EME2: variants seen among roughly 807,000 people sequenced by gnomAD.
EME2 encodes the protein structure-specific endonuclease subunit EME2.
EME2 carries 58 observed loss-of-function variants against 41.9 expected under a neutral mutation model. The observed-to-expected ratio is 1.38, with a 90% CI of 1.12 to 1.72. The LOEUF (loss-of-function observed/expected upper bound fraction) is 1.72. Ranked by LOEUF, EME2 falls within the 40% of genes most tolerant of loss-of-function variation. EME2 has a pLI of 0.00. For missense variants in EME2, 695 were observed against 541.9 expected, an observed-to-expected ratio of 1.28 and a Z score of -2.81; for synonymous variants, 334 against 239.3, an observed-to-expected ratio of 1.40 and a Z score of -3.65.
chr16:1,776,544 G>C lies in EME2; in HGVS notation c.*306G>C, dbSNP rs1249021259. The C allele has an allele frequency of 5.2e-6, 2 of 383,456 alleles. No individual in the cohort carries two copies. The highest frequency in any genetic ancestry group is 4.2e-5 in the African/African-American group (2 of 47,948). The allele number at this position is 383,456 out of a possible 1,614,324, so 23.8% of individuals were successfully genotyped here. A position where few individuals can be genotyped will look rare whatever the true frequency, so the allele number is the denominator to read the frequency against. Reference sequence around the variant, plus strand: ...ACACACACACACTCGGCAGGGACCAGAAGGCAGCTCCAGGGCCCCACTGCC... The same window carrying C: ...ACACACACACACTCGGCAGGGACCACAAGGCAGCTCCAGGGCCCCACTGCC... On this transcript the variant is annotated 3_prime_UTR_variant, in exon 8 of 8. Coordinates refer to ENST00000568449, the MANE Select transcript of EME2 (RefSeq NM_001257370.2).
rs1412085015 is a variant in EME2, at chr16:1,779,043, G to C, written c.*2805G>C. ...TCAGGGCAGTCCCCACCACACTGTG[G>C]CCCAACGACCTTCCTGTTACCTGAG... On this transcript the variant is annotated 3_prime_UTR_variant, in exon 8 of 8. Coordinates refer to ENST00000568449, the MANE Select transcript of EME2 (RefSeq NM_001257370.2). 1 of 165,908 alleles carries C rather than the reference G, an allele frequency of 6.0e-6. No individual in the cohort carries two copies. Among genetic ancestry groups the C allele is most frequent in the Non-Finnish European group, 1.3e-5 (1 of 77,526 alleles). The allele number at this position is 165,908 out of a possible 1,614,324, so 10.3% of individuals were successfully genotyped here.
chr16:1,775,498 G>A (rs1389349030), intron 5 of EME2, 71 bp from the exon 6 acceptor site: 4 of 1,596,374 alleles, frequency 2.5e-6, no homozygotes, highest in Admixed American at 1.7e-5. Flanking sequence ...GTGGTACATG[G>A]GGCAGCTATC....
At position 1,778,022 on chromosome 16, in the gene EME2, C is replaced by T. The variant is rs747257526; in HGVS notation, c.*1784C>T. 6.2e-7 allele frequency: 1 copy of T among 1,613,252 alleles called. No homozygotes were observed. The highest frequency in any genetic ancestry group is 1.7e-5 in the Admixed American group (1 of 60,018). On this transcript the variant is annotated 3_prime_UTR_variant, in exon 8 of 8. Coordinates refer to ENST00000568449, the MANE Select transcript of EME2 (RefSeq NM_001257370.2). ...ACGTGTGGCGGTATTTGTCCAGGTC[C>T]ACATCCGACGTCCCGATGCCCACCA... is the stretch of plus-strand genomic sequence containing the variant.
chr16:1,777,652 T>C lies in EME2; in HGVS notation c.*1414T>C, dbSNP rs551148394. ...GGCCTCAGGCTTCTGGGAGGAACCC[T>C]TTCAGAAAACCTCAGTGTCCCCTGG... On this transcript the variant is annotated 3_prime_UTR_variant, in exon 8 of 8. Transcript: ENST00000568449. 2 of 1,555,356 alleles carry C rather than the reference T, an allele frequency of 1.3e-6. No individual in the cohort carries two copies. Among genetic ancestry groups the C allele is most frequent in the East Asian group, 4.5e-5 (2 of 44,286 alleles).
chr16:1,777,684 G>GCGGGGTGGCTGCCTCCCT lies in EME2; in HGVS notation c.*1454_*1471dup. On this transcript the variant is annotated 3_prime_UTR_variant, in exon 8 of 8. Transcript: ENST00000568449. The stretch of plus-strand genomic sequence containing the variant: ...AAACCTCAGTGTCCCCTGGGCTGGG[G>GCGGGGTGGCTGCCTCCCT]CGGGGTGGCTGCCTCCCTCGGGGTG... 6.3e-7 allele frequency: 1 copy of GCGGGGTGGCTGCCTCCCT among 1,595,496 alleles called. No individual in the cohort carries two copies. Among genetic ancestry groups the GCGGGGTGGCTGCCTCCCT allele is most frequent in the Non-Finnish European group, 8.5e-7 (1 of 1,170,070 alleles).
In EME2 at chr16:1,776,297, C is replaced by T. The variant is rs919699363; in HGVS notation, c.*59C>T. On this transcript the variant is annotated 3_prime_UTR_variant, in exon 8 of 8. Coordinates refer to ENST00000568449, the MANE Select transcript of EME2 (RefSeq NM_001257370.2). ...TTGGGGACAGACCAGACACCCTGGGCGGTGGGGGAGGACCCCCAGCCACAT... is the reference window on the plus strand; with the variant it reads ...TTGGGGACAGACCAGACACCCTGGGTGGTGGGGGAGGACCCCCAGCCACAT... 219 of 1,547,952 alleles carry T rather than the reference C, an allele frequency of 1.4e-4. No homozygotes were observed. Among genetic ancestry groups the T allele is most frequent in the Non-Finnish European group, 1.8e-4 (202 of 1,137,018 alleles).
intron 3 of EME2, among the ~76,000 whole-genome samples, 188 bp downstream of exon 3, chr16:1,774,540 G>A (rs1048850577): frequency 1.7e-4 from 26 of 152,258 alleles, no homozygotes; most frequent in African/African-American, 6.3e-4. Context: ...CTGGGCACCT[G>A]CGGAGGCTAC....
chr16:1,781,311 C>G lies in EME2; in HGVS notation c.*5073C>G. The G allele has an allele frequency of 1.2e-6, 2 of 1,612,794 alleles. No homozygotes were observed. On this transcript the variant is annotated 3_prime_UTR_variant, in exon 8 of 8. Transcript: ENST00000568449. ...ATGTCTGCCTGCCTGCCTAGGGCAT[C>G]TCCACACCTTAGGCCAGCCACGTCC... is the stretch of plus-strand genomic sequence containing the variant.
At chr16:1,773,499 C>T in intron 1 of EME2, 25 bp downstream of exon 1, 2 of 1,576,094 alleles carry the variant, frequency 1.3e-6, no homozygotes, top group Admixed American at 1.8e-5. Flanking sequence ...ACGGGCGATA[C>T]TCGGGGTAGG....
chr16:1,775,734 T>G (rs1261048388), intron 6 of EME2, 50 bp downstream of exon 6: 3 of 1,612,382 alleles, frequency 1.9e-6, no homozygotes, highest in Non-Finnish European at 8.5e-7. Flanking sequence ...AAGGTAGTGG[T>G]GCCTCCCCGG....
Position 1,781,396 on chromosome 16 carries a change from C to G in EME2, c.*5158C>G. 1 of 1,612,916 alleles carries G rather than the reference C, an allele frequency of 6.2e-7. No homozygotes were observed. Among genetic ancestry groups the G allele is most frequent in the East Asian group, 2.2e-5 (1 of 44,890 alleles). ...TCGTAGCCCCAGTTAGTGGAGCCTG[C>G]TAGAGCCACGGCCCGGGCATCTGCG... On this transcript the variant is annotated 3_prime_UTR_variant, in exon 8 of 8. Coordinates refer to ENST00000568449, the MANE Select transcript of EME2 (RefSeq NM_001257370.2).
chr16:1,777,349 G>T lies in EME2; in HGVS notation c.*1111G>T. Reference sequence around the variant, plus strand: ...ACAGGTACTGGAGGGAAGTGGCGCTGGCACAGGAGCGGGTGACCTTCATGC... The same window carrying T: ...ACAGGTACTGGAGGGAAGTGGCGCTTGCACAGGAGCGGGTGACCTTCATGC... On this transcript the variant is annotated 3_prime_UTR_variant, in exon 8 of 8. Coordinates refer to ENST00000568449, the MANE Select transcript of EME2 (RefSeq NM_001257370.2). The T allele has an allele frequency of 6.2e-7, 1 of 1,607,466 alleles. No homozygotes were observed.
chr16:1,774,415 G>T, intron 3 of EME2, 63 bp downstream of exon 3: 4 of 1,361,768 alleles, frequency 2.9e-6, no homozygotes, highest in East Asian at 2.3e-5. Flanking sequence ...GCCGGGAGGC[G>T]CCTGCTCCGC....
intron 1 of EME2, 41 bp from the exon 2 acceptor site, chr16:1,773,663 GT>G (rs951872776): frequency 6.5e-7 from 1 of 1,546,846 alleles, no homozygotes; most frequent in African/African-American, 1.4e-5. Flanking sequence ...GCTCGCGAGG[GT>G]GGAAGGAAGC....
rs763246685 is a variant in EME2 at position 1,776,206 on chromosome 16, A to G, written c.1108A>G (p.Asn370Asp). 3 of 1,612,454 alleles carry G rather than the reference A, an allele frequency of 1.9e-6. No homozygotes were observed. Among genetic ancestry groups the G allele is most frequent in the Non-Finnish European group, 2.5e-6 (3 of 1,179,948 alleles). The change falls in exon 8 of 8, where the codon AAC becomes GAC. Residue 370 changes from asparagine (N) to aspartate (D), a missense_variant. Transcript: ENST00000568449. ...RRICLFLTTA[N>D]PDLLLDLGS ...CATCTGCCTCTTCCTGACCACAGCC[A>G]ACCCTGATCTCCTGCTGGACCTGGG...
In EME2 at chr16:1,776,113, G is replaced by A; in HGVS notation, c.1015G>A (p.Ala339Thr). Residue 339 changes from alanine to threonine, a missense_variant, in exon 8 of 8, where the codon GCC (alanine) becomes ACC (threonine). Coordinates refer to ENST00000568449, the MANE Select transcript of EME2 (RefSeq NM_001257370.2). ...GGAGCGGGAGCGCATGGGCCTCCTG[G>A]CCGACCTTCCTGTGCCGCCCAGTGA... ...STERERMGLL[A>T]DLPVPPSEGG... is the part of the protein sequence containing the mutation. 6.2e-7 allele frequency: 1 copy of A among 1,611,636 alleles called. No homozygotes were observed. Among genetic ancestry groups the A allele is most frequent in the Non-Finnish European group, 8.5e-7 (1 of 1,179,742 alleles).
In EME2 at chr16:1,773,861, C is replaced by G. The variant is rs1204991793; in HGVS notation, c.384+20C>G. 21 of 1,524,248 alleles carry G rather than the reference C, an allele frequency of 1.4e-5. No individual in the cohort carries two copies. Among genetic ancestry groups the G allele is most frequent in the Non-Finnish European group, 1.8e-5 (20 of 1,141,412 alleles). The allele number at this position is 1,524,248 out of a possible 1,614,324, so 94.4% of individuals were successfully genotyped here. A position where few individuals can be genotyped will look rare whatever the true frequency, so the allele number is the denominator to read the frequency against. ...CGCAGCGTGAGTGGTCGCGGGTTCCCGAGGGCCAGCCGCGAGTTGGCTGTT... is the reference window on the plus strand; with the variant it reads ...CGCAGCGTGAGTGGTCGCGGGTTCCGGAGGGCCAGCCGCGAGTTGGCTGTT... On this transcript the variant is annotated intron_variant, in intron 2 of 7. Transcript: ENST00000568449.
chr16:1,779,377 C>T lies in EME2; in HGVS notation c.*3139C>T. 1 of 152,684 alleles carries T rather than the reference C, an allele frequency of 6.5e-6. No individual in the cohort carries two copies. The highest frequency in any genetic ancestry group is 6.5e-5 in the Admixed American group (1 of 15,292). The allele number at this position is 152,684 out of a possible 1,614,324, so 9.5% of individuals were successfully genotyped here. A position where few individuals can be genotyped will look rare whatever the true frequency, so the allele number is the denominator to read the frequency against. On this transcript the variant is annotated 3_prime_UTR_variant, in exon 8 of 8. Transcript: ENST00000568449. Reference sequence around the variant, plus strand: ...GAGAGTGCTAAGTGGTGGCGGGGGGCCTGTGGCAGAGGCCTTGTGACAGTG... The same window carrying T: ...GAGAGTGCTAAGTGGTGGCGGGGGGTCTGTGGCAGAGGCCTTGTGACAGTG...
intron 3 of EME2, among the ~76,000 whole-genome samples, chr16:1,774,739 C>T (rs1051689124): frequency 2.6e-5 from 4 of 152,250 alleles, no homozygotes; most frequent in Non-Finnish European, 5.9e-5. Context: ...GGATCAGTGT[C>T]TCTCAAGCTG....
Sources: gnomAD v4.1 joint callset for allele counts (sites outside exome capture counted in the v4.1 genomes callset) on GRCh38, gnomAD v4.1.1 for gene constraint, MANE v1.5 for transcripts, NCBI Gene and HGNC (gene_info 2026-07-23, HGNC 2026-07-21) for gene names.